LHPP: variants seen among roughly 807,000 people sequenced by gnomAD.
LHPP encodes the protein phospholysine phosphohistidine inorganic pyrophosphate phosphatase.
LHPP carries 24 observed loss-of-function variants against 30.3 expected under a neutral mutation model. The ratio of observed to expected loss-of-function variants is 0.79; its 90% CI spans 0.57 to 1.11. The LOEUF (loss-of-function observed/expected upper bound fraction) is 1.11. Among genes scored for constraint, LHPP ranks in the 50% most tolerant of loss-of-function variants. The probability of loss-of-function intolerance (pLI) is 0.00; values close to 1 mark genes in which losing one functional copy is unlikely to be tolerated. For synonymous variants in LHPP, 150 were observed against 157.1 expected (o/e 0.95, Z 0.34); for missense variants, 356 against 367.2 (o/e 0.97, Z 0.25).
intron 6 of LHPP, among the ~76,000 whole-genome samples, chr10:124,539,536 G>A (rs951305160): frequency 1.3e-5 from 2 of 152,112 alleles, no homozygotes; most frequent in African/African-American, 2.4e-5. Flanking sequence ...CAAGGAGAGC[G>A]GATCACTTGA....
In LHPP at chr10:124,596,263, A is replaced by T. The variant is rs1948940743; in HGVS notation, c.717-17001A>T. Among the ~76,000 whole-genome samples, 1 of 151,206 alleles carries T rather than the reference A, an allele frequency of 6.6e-6. No individual in the cohort carries two copies. Among genetic ancestry groups the T allele is most frequent in the Non-Finnish European group, 1.5e-5 (1 of 67,720 alleles). ...GACATAGCCTCATTTCATGTGTGTG[A>T]CTCAGGAGTGAGGTTGCTGGGTCCC... On this transcript the variant is annotated intron_variant, in intron 6 of 6. Transcript: ENST00000368842. The surrounding 1 kb of genome is among the most constrained non-coding windows in gnomAD (Gnocchi z 4.6).
chr10:124,486,049 C>T (rs2361622), intron 2 of LHPP, among the ~76,000 whole-genome samples: 2,804 of 152,304 alleles, frequency 0.018, 75 homozygotes, highest in East Asian at 0.12. Context: ...CGGGTATACT[C>T]CCCTATACAC....
intron 1 of LHPP, among the ~76,000 whole-genome samples, chr10:124,473,476 G>A (rs1301109990): frequency 6.6e-6 from 1 of 152,146 alleles, no homozygotes; most frequent in Non-Finnish European, 1.5e-5. Flanking sequence ...AAAGTGCCAG[G>A]TGTCAGCTCT....
At chr10:124,525,318 G>T (rs1368523715) in intron 6 of LHPP, among the ~76,000 whole-genome samples, 1 of 152,220 alleles carries the variant, frequency 6.6e-6, no homozygotes, top group African/African-American at 2.4e-5. Context: ...ACACATGGGC[G>T]TGAGTCCTTC....
chr10:124,589,066 C>A (rs1403797279), intron 6 of LHPP, among the ~76,000 whole-genome samples: 1 of 152,224 alleles, frequency 6.6e-6, no homozygotes, highest in Non-Finnish European at 1.5e-5. Flanking sequence ...CTCCCTTGAA[C>A]CATCCCAGAG....
chr10:124,540,313 G>C (rs1193895931), intron 6 of LHPP, among the ~76,000 whole-genome samples: 1 of 152,252 alleles, frequency 6.6e-6, no homozygotes, highest in Non-Finnish European at 1.5e-5. Flanking sequence ...CACGGCTGTG[G>C]GTTCCCACCA....
At chr10:124,485,689 T>C (rs370056991) in intron 2 of LHPP, among the ~76,000 whole-genome samples, 2 of 152,086 alleles carry the variant, frequency 1.3e-5, no homozygotes, top group South Asian at 4.2e-4. Flanking sequence ...TGACTTCCGC[T>C]TCCCTGGTTC....
At chr10:124,599,342 G>A (rs919989536) in intron 6 of LHPP, among the ~76,000 whole-genome samples, 1 of 152,226 alleles carries the variant, frequency 6.6e-6, no homozygotes, top group Non-Finnish European at 1.5e-5. Context: ...GCACCATCTC[G>A]GTGAATCTCC....
At chr10:124,509,371 A>C (rs971755824) in intron 5 of LHPP, among the ~76,000 whole-genome samples, 2 of 152,164 alleles carry the variant, frequency 1.3e-5, no homozygotes, top group Non-Finnish European at 1.5e-5. Context: ...CGTAACCCTG[A>C]TGAACACATC....
chr10:124,599,307 C>T (rs1228963838), intron 6 of LHPP, among the ~76,000 whole-genome samples: 1 of 152,186 alleles, frequency 6.6e-6, no homozygotes, highest in East Asian at 1.9e-4. Flanking sequence ...TCCACCCAGG[C>T]GAGCACCTGC....
Position 124,517,523 on chromosome 10 carries a change from A to T in LHPP, c.716+252A>T, listed in dbSNP as rs1357571090. On this transcript the variant is annotated intron_variant, in intron 6 of 6. Transcript: ENST00000368842. The surrounding 1 kb of genome is among the most constrained non-coding windows in gnomAD (Gnocchi z 4.1). ...AATGGCGTGCAGTGCAGAGAGAAAT[A>T]AGCAAAGGCACTATCCATCCTGGCG... The T allele has an allele frequency of 3.6e-6, 1 of 280,046 alleles. No individual in the cohort carries two copies. The highest frequency in any genetic ancestry group is 6.7e-6 in the Non-Finnish European group (1 of 149,854). 17.3% of individuals were successfully genotyped at this position (280,046 alleles called of 1,614,324 possible).
intron 1 of LHPP, among the ~76,000 whole-genome samples, chr10:124,465,905 TCA>T (rs1952541010): frequency 6.6e-6 from 1 of 152,210 alleles, no homozygotes; most frequent in Non-Finnish European, 1.5e-5. Context: ...CCCTGTTTCA[TCA>T]ATTTGACAAA....
At chr10:124,497,316 T>A (rs11592005) in intron 4 of LHPP, among the ~76,000 whole-genome samples, 5 of 57,382 alleles carry the variant, frequency 8.7e-5, no homozygotes, top group African/African-American at 2.2e-4. Flanking sequence ...CAGCCCCCCC[T>A]GCCCGCCGTG....
At chr10:124,463,252 T>G (rs1952457591) in intron 1 of LHPP, among the ~76,000 whole-genome samples, 1 of 152,220 alleles carries the variant, frequency 6.6e-6, no homozygotes, top group South Asian at 2.1e-4. Context: ...AATGTGCTTA[T>G]TAGAAAACTT....
chr10:124,574,338 C>T (rs1948629703), intron 6 of LHPP, among the ~76,000 whole-genome samples: 1 of 152,174 alleles, frequency 6.6e-6, no homozygotes, highest in Non-Finnish European at 1.5e-5. Flanking sequence ...CCTGCGAGGG[C>T]GCGCACGGAT....
chr10:124,482,093 C>T (rs545084610), intron 1 of LHPP, among the ~76,000 whole-genome samples: 21 of 152,326 alleles, frequency 1.4e-4, no homozygotes, highest in African/African-American at 4.8e-4. Context: ...AAATTACATT[C>T]ACACTGGGTT....
Position 124,613,621 on chromosome 10 carries a change from C to T in LHPP, c.*261C>T. ...GCCTGCTCCCCTGCCTGGGCCCTGACTTCAGCTCCCTGTAGTGAAGTCCAG... is the reference window on the plus strand; with the variant it reads ...GCCTGCTCCCCTGCCTGGGCCCTGATTTCAGCTCCCTGTAGTGAAGTCCAG... On this transcript the variant is annotated 3_prime_UTR_variant, in exon 7 of 7. Coordinates refer to ENST00000368842, the MANE Select transcript of LHPP (RefSeq NM_022126.4). 1 of 550,446 alleles carries T rather than the reference C, an allele frequency of 1.8e-6. No individual in the cohort carries two copies. The highest frequency in any genetic ancestry group is 3.3e-6 in the Non-Finnish European group (1 of 304,546). The allele number at this position is 550,446 out of a possible 1,614,324, so 34.1% of individuals were successfully genotyped here.
At chr10:124,516,953 T>A (rs1321518243) in intron 5 of LHPP, among the ~76,000 whole-genome samples, 3 of 152,154 alleles carry the variant, frequency 2.0e-5, no homozygotes, top group Non-Finnish European at 4.4e-5. Context: ...GATTTCAAAT[T>A]GCACAGATAT....
At chr10:124,470,854 C>CCTTGGACAAGGGGTGTTTGT (rs150195935) in intron 1 of LHPP, among the ~76,000 whole-genome samples, 21,233 of 151,762 alleles carry the variant, frequency 0.14, 1,815 homozygotes, top group Non-Finnish European at 0.18. Flanking sequence ...GCAACCTGGA[C>CCTTGGACAAGGGGTGTTTGT]CTTGGACAAG....
Sources: allele counts gnomAD v4.1 joint callset (sites outside exome capture counted in the v4.1 genomes callset), GRCh38; gene constraint gnomAD v4.1.1; non-coding constraint Gnocchi (gnomAD v3.1); transcripts MANE v1.5; gene names NCBI Gene and HGNC (gene_info 2026-07-23, HGNC 2026-07-21).